FANCA: variants seen among roughly 807,000 people sequenced by gnomAD.
FANCA encodes FA complementation group A.
Under a neutral mutation model 194.3 loss-of-function variants are expected in FANCA, and 236 were observed. That is an observed-to-expected ratio of 1.21 (90% CI 1.09 to 1.35). The LOEUF (loss-of-function observed/expected upper bound fraction) is 1.35. FANCA is among the 40% of genes most tolerant of loss of function. The pLI, the probability that FANCA is intolerant of heterozygous loss-of-function variation, is 0.00. For synonymous variants in FANCA, 1,014 were observed against 715.8 expected, an observed-to-expected ratio of 1.42 and a Z score of -6.65; for missense variants, 2,628 against 1,813.9, an observed-to-expected ratio of 1.45 and a Z score of -8.15.
rs970766433 is a variant in FANCA, at chr16:89,740,618, AGAGT to A, written c.3828+182_3828+185del. On this transcript the variant is annotated intron_variant, in intron 38 of 42. Coordinates refer to ENST00000389301, the MANE Select transcript of FANCA (RefSeq NM_000135.4). ...ACCACTGCACTCCAGCCTGGGTGAC[AGAGT>A]GAGACCCCCATCTCAAAAAAAAAAA... 3 of 606,338 alleles carry A rather than the reference AGAGT, an allele frequency of 4.9e-6. No individual in the cohort carries two copies. In the African/African-American group the frequency reaches 5.7e-5, roughly 11 times the overall value. The allele number at this position is 606,338 out of a possible 1,614,324, so 37.6% of individuals were successfully genotyped here. A position where few individuals can be genotyped will look rare whatever the true frequency, so the allele number is the denominator to read the frequency against.
Position 89,746,866 on chromosome 16 carries a change from C to T in FANCA, c.3373G>A (p.Ala1125Thr), listed in dbSNP as rs1162813981. ...TGGGCAGTGATGTCCTGTGTCAGGG[C>T]ACCTCCGTGGGAGCAGAAGTTTCTC... is the stretch of plus-strand genomic sequence containing the variant. Reference protein sequence around the residue: ...EMRNFCSHGGALTQDITAHFF... With the variant: ...EMRNFCSHGGTLTQDITAHFF... The change falls in exon 34 of 43, where the codon GCC (alanine) becomes ACC (threonine). Residue 1125 changes from alanine (A) to threonine (T), a missense_variant. Transcript: ENST00000389301. 3 of 1,561,062 alleles carry T rather than the reference C, an allele frequency of 1.9e-6. No homozygotes were observed. In the African/African-American group the frequency reaches 4.1e-5, roughly 21 times the overall value.
intron 29 of FANCA, among the ~76,000 whole-genome samples, chr16:89,758,956 G>C (rs944774899): frequency 1.3e-5 from 2 of 152,138 alleles, no homozygotes; most frequent in Non-Finnish European, 2.9e-5. Context: ...AGGCCACTCA[G>C]GATGACATCC....
intron 14 of FANCA, among the ~76,000 whole-genome samples, chr16:89,786,618 T>C (rs975584958): frequency 1.3e-5 from 2 of 152,178 alleles, no homozygotes; most frequent in Non-Finnish European, 2.9e-5. Context: ...CACCTGACCA[T>C]GTGTAGATTC....
Position 89,791,973 on chromosome 16 carries a change from C to G in FANCA, c.1179G>C (p.Val393=). 1 of 1,614,206 alleles carries G rather than the reference C, an allele frequency of 6.2e-7. No individual in the cohort carries two copies. The highest frequency in any genetic ancestry group is 8.5e-7 in the Non-Finnish European group (1 of 1,180,042). Residue 393 remains valine (V), a synonymous_variant, in exon 13 of 43, where the codon GTG becomes GTC. Transcript: ENST00000389301. ...EVHWQRVLSF[V]SALVVCFPEA... is the part of the protein sequence containing the mutation. ...CTGGAAAGCAGACAACCAGGGCAGA[C>G]ACAAAGGAGAGCACTCTCTGCCAGT...
chr16:89,799,712 A>AC, intron 8 of FANCA, 74 bp from the exon 9 acceptor site: 1 of 1,261,774 alleles, frequency 7.9e-7, no homozygotes, highest in South Asian at 1.2e-5. Flanking sequence ...CACACAAGAG[A>AC]ATTATTACTT....
intron 2 of FANCA, among the ~76,000 whole-genome samples, 190 bp from the exon 3 acceptor site, chr16:89,814,803 T>C (rs1227288007): frequency 2.0e-5 from 3 of 151,896 alleles, no homozygotes; most frequent in Admixed American, 2.0e-4. Flanking sequence ...TAGGAGGGCA[T>C]GGTGGCGCGT....
chr16:89,764,774 T>C (rs1235579456), intron 28 of FANCA, 116 bp downstream of exon 28: 1 of 1,239,610 alleles, frequency 8.1e-7, no homozygotes. Context: ...ACTCGGGACG[T>C]GGCATGATGC....
chr16:89,804,255 G>A (rs1247126639), intron 7 of FANCA, among the ~76,000 whole-genome samples: 1 of 152,108 alleles, frequency 6.6e-6, no homozygotes, highest in Non-Finnish European at 1.5e-5. Context: ...ATTTTTATTT[G>A]TAGGTGTCAC....
At chr16:89,785,788 G>A (rs1381946725) in intron 14 of FANCA, among the ~76,000 whole-genome samples, 1 of 151,608 alleles carries the variant, frequency 6.6e-6, no homozygotes, top group Admixed American at 6.6e-5. Context: ...CCATCTATCA[G>A]GAAACCTGAA....
At chr16:89,798,060 CCT>C (rs1429712848) in intron 10 of FANCA, among the ~76,000 whole-genome samples, 1 of 152,152 alleles carries the variant, frequency 6.6e-6, no homozygotes, top group Non-Finnish European at 1.5e-5. Context: ...CCACAAAGTT[CCT>C]CTGTTGAAGC....
At chr16:89,791,250 C>T in intron 14 of FANCA, 153 bp downstream of exon 14, 1 of 997,028 alleles carries the variant, frequency 1.0e-6, no homozygotes, top group Non-Finnish European at 1.5e-6. Context: ...CTCCTCGGCA[C>T]ACGCAGAGGA....
chr16:89,792,652 G>A lies in FANCA; in HGVS notation c.1007-105C>T, dbSNP rs980555556. 2.0e-4 allele frequency: 175 copies of A among 869,858 alleles called. 1 individual carries two copies. Among genetic ancestry groups the A allele is most frequent in the Middle Eastern group, 3.3e-4 (1 of 3,032 alleles). The allele number at this position is 869,858 out of a possible 1,614,324, so 53.9% of individuals were successfully genotyped here. ...GGTCGGTGGGTCTCTCCCCGTGTGC[G>A]GCGACGAGAGAGTGTAGAAAGAAAG... On this transcript the variant is annotated intron_variant, in intron 11 of 42. Coordinates refer to ENST00000389301, the MANE Select transcript of FANCA (RefSeq NM_000135.4).
chr16:89,792,010 G>A lies in FANCA; in HGVS notation c.1142C>T (p.Thr381Met), dbSNP rs770809996. 7 of 1,614,048 alleles carry A rather than the reference G, an allele frequency of 4.3e-6. No individual in the cohort carries two copies. The highest frequency in any genetic ancestry group is 1.6e-4 in the Middle Eastern group (1 of 6,084). The change falls in exon 13 of 43, where the codon ACG becomes ATG. Residue 381 changes from threonine (T) to methionine (M), a missense_variant. Coordinates refer to ENST00000389301, the MANE Select transcript of FANCA (RefSeq NM_000135.4). ...CACTCTCTGCCAGTGAACCTCCTGC[G>A]TTTCCAGAACTTCTTGCAAATGGCC... Reference protein sequence around the residue: ...LVGHLQEVLETQEVHWQRVLS... With the variant: ...LVGHLQEVLEMQEVHWQRVLS...
chr16:89,781,084 G>GCCA (rs1006718066), intron 17 of FANCA, among the ~76,000 whole-genome samples: 3 of 152,114 alleles, frequency 2.0e-5, no homozygotes, highest in Non-Finnish European at 4.4e-5. Flanking sequence ...AGAATGGAGG[G>GCCA]CCAGGCGCAG....
At chr16:89,794,718 C>G (rs750223470) in intron 11 of FANCA, among the ~76,000 whole-genome samples, 4 of 152,116 alleles carry the variant, frequency 2.6e-5, no homozygotes, top group African/African-American at 7.2e-5. Context: ...AGCATCTACC[C>G]TGGGGATATG....
intron 10 of FANCA, among the ~76,000 whole-genome samples, chr16:89,797,861 C>A (rs1328690728): frequency 6.6e-6 from 1 of 152,064 alleles, no homozygotes; most frequent in Non-Finnish European, 1.5e-5. Context: ...CACCACTGCA[C>A]TCCAGCCTGG....
rs2062171101 is a variant in FANCA at position 89,742,876 on chromosome 16, A to G, written c.3689T>C (p.Leu1230Pro). The G allele has an allele frequency of 6.2e-7, 1 of 1,614,062 alleles. No homozygotes were observed. Among genetic ancestry groups the G allele is most frequent in the Non-Finnish European group, 8.5e-7 (1 of 1,180,036 alleles). Residue 1230 changes from leucine to proline, a missense_variant, in exon 37 of 43, where the codon CTG (leucine) becomes CCG (proline). Physicochemically the swap from Leu to Pro is moderately conservative, Grantham distance 98. Coordinates refer to ENST00000389301, the MANE Select transcript of FANCA (RefSeq NM_000135.4). ...CCTGACTTGTTGAATCGCAAAGTGCAGTGCAGCAGCTGAGAGCCAGTCCGG... is the reference window on the plus strand; with the variant it reads ...CCTGACTTGTTGAATCGCAAAGTGCGGTGCAGCAGCTGAGAGCCAGTCCGG... ...PNPDWLSAAA[L>P]HFAIQQVREE...
rs1227504086 is a variant in FANCA at position 89,740,067 on chromosome 16, A to T, written c.3861T>A (p.Val1287=). 1.2e-6 allele frequency: 2 copies of T among 1,614,084 alleles called. No homozygotes were observed. Among genetic ancestry groups the T allele is most frequent in the African/African-American group, 2.7e-5 (2 of 74,926 alleles). ...CTAAACACTCGAGGATTGCTGCACAAACGTGGAAAGCCTTTGGCAGGTCTG... is the reference window on the plus strand; with the variant it reads ...CTAAACACTCGAGGATTGCTGCACATACGTGGAAAGCCTTTGGCAGGTCTG... ...STTDLPKAFH[V]CAAILECLEK... is the part of the protein sequence containing the mutation. Residue 1287 remains valine, a synonymous_variant, in exon 39 of 43, where the codon GTT becomes GTA. Coordinates refer to ENST00000389301, the MANE Select transcript of FANCA (RefSeq NM_000135.4).
chr16:89,772,188 C>T lies in FANCA; in HGVS notation c.2015-374G>A, dbSNP rs796986451. Among the ~76,000 whole-genome samples the T allele has an allele frequency of 4.0e-4, 61 of 152,342 alleles. No individual in the cohort carries two copies. The South Asian group carries it at 5.4e-3, about 13-fold the overall frequency. On this transcript the variant is annotated intron_variant, in intron 22 of 42. Coordinates refer to ENST00000389301, the MANE Select transcript of FANCA (RefSeq NM_000135.4). ...CCCAGGGAAATGGGCCACACATAGCCCAACTACATCATTTAAAGGTGAAAA... is the reference window on the plus strand; with the variant it reads ...CCCAGGGAAATGGGCCACACATAGCTCAACTACATCATTTAAAGGTGAAAA...
Sources: gnomAD v4.1 joint callset for allele counts (sites outside exome capture counted in the v4.1 genomes callset) on GRCh38, gnomAD v4.1.1 for gene constraint, MANE v1.5 for transcripts, NCBI Gene and HGNC (gene_info 2026-07-23, HGNC 2026-07-21) for gene names.